The following ANKRD30A variants were observed in gnomAD, a reference collection of about 807,000 sequenced individuals.
ANKRD30A encodes ankyrin repeat domain-containing protein 30A.
Under a neutral mutation model 166.3 loss-of-function variants are expected in ANKRD30A, and 170 were observed. The observed-to-expected ratio is 1.02, with a 90% CI of 0.90 to 1.16. The LOEUF is 1.16. Ranked by LOEUF, ANKRD30A falls within the 50% of genes most tolerant of loss-of-function variation. The probability of loss-of-function intolerance (pLI) is 0.00; values close to 1 mark genes in which losing one functional copy is unlikely to be tolerated. For missense variants in ANKRD30A, 1,630 were observed against 1,518.0 expected (o/e 1.07, Z -1.23); for synonymous variants, 564 against 508.9 (o/e 1.11, Z -1.46).
chr10:37,142,473 A>G (rs1837212751), intron 7 of ANKRD30A, among the ~76,000 whole-genome samples, 183 bp downstream of exon 7: 2 of 151,324 alleles, frequency 1.3e-5, no homozygotes, highest in African/African-American at 4.9e-5. Context: ...AATTCTCACA[A>G]TTCTTCTGGC....
At chr10:37,182,989 C>A (rs1180963800) in intron 24 of ANKRD30A, among the ~76,000 whole-genome samples, 4 of 151,026 alleles carry the variant, frequency 2.6e-5, no homozygotes, top group African/African-American at 7.2e-5. Flanking sequence ...GGACCCAATA[C>A]AATTAGCTCT....
At chr10:37,251,984 C>T in the ANKRD30A span, among the ~76,000 whole-genome samples, 1 of 152,152 alleles carries the variant, frequency 6.6e-6, no homozygotes, top group Non-Finnish European at 1.5e-5. Flanking sequence ...ACTAGCATGT[C>T]ACCTTTACAG....
intron 31 of ANKRD30A, among the ~76,000 whole-genome samples, chr10:37,201,589 G>T (rs1321730707): frequency 6.6e-6 from 1 of 151,950 alleles, no homozygotes; most frequent in African/African-American, 2.4e-5. Context: ...AAAGAAGAAA[G>T]TAGTAAAAGA....
At chr10:37,130,869 T>TAC (rs1003439485) in intron 3 of ANKRD30A, among the ~76,000 whole-genome samples, 4 of 152,230 alleles carry the variant, frequency 2.6e-5, no homozygotes, top group African/African-American at 9.6e-5. Flanking sequence ...TTACAACACT[T>TAC]ACTCAGCTTA....
chr10:37,133,735 C>T (rs1014093153), intron 4 of ANKRD30A, among the ~76,000 whole-genome samples, 181 bp from the exon 5 acceptor site: 12 of 152,172 alleles, frequency 7.9e-5, no homozygotes, highest in African/African-American at 2.7e-4. Flanking sequence ...GCCATATCCC[C>T]GTGGGACATG....
rs1187076626 is a variant in ANKRD30A at position 37,219,765 on chromosome 10, A to G, written c.4053A>G (p.Thr1351=). 1 of 1,608,654 alleles carries G rather than the reference A, an allele frequency of 6.2e-7. No homozygotes were observed. The change falls in exon 34 of 36, where the codon ACA becomes ACG. Residue 1351 remains threonine, a synonymous_variant. Coordinates refer to ENST00000361713, the MANE Select transcript of ANKRD30A (RefSeq NM_052997.3). ...HKKADNKSKI[T]IDIHFLERKM... is the part of the protein sequence containing the mutation. ...AAGCTGACAACAAAAGCAAGATAAC[A>G]ATTGATATTCATTTTCTTGAGAGGA...
rs944174971 is a variant in ANKRD30A, at chr10:37,136,603, A to G, written c.756-4A>G. The G allele has an allele frequency of 1.6e-6, 2 of 1,282,148 alleles. No individual in the cohort carries two copies. The highest frequency in any genetic ancestry group is 2.2e-6 in the Non-Finnish European group (2 of 918,426). The allele number at this position is 1,282,148 out of a possible 1,614,324, so 79.4% of individuals were successfully genotyped here. A position where few individuals can be genotyped will look rare whatever the true frequency, so the allele number is the denominator to read the frequency against. On this transcript the variant is annotated splice_polypyrimidine_tract_variant and splice_region_variant and intron_variant, in intron 5 of 35. Coordinates refer to ENST00000361713, the MANE Select transcript of ANKRD30A (RefSeq NM_052997.3). ...AATTTTATTTATCACATTTTTATAC[A>G]TAGCATTCATGAACAAATTATGGAA...
chr10:37,252,588 C>G, the ANKRD30A span, among the ~76,000 whole-genome samples: 4 of 151,910 alleles, frequency 2.6e-5, no homozygotes, highest in African/African-American at 7.3e-5. Context: ...ATTTCTTAGT[C>G]TAATTTTTTT....
chr10:37,211,693 C>G (rs1020337342), intron 31 of ANKRD30A, among the ~76,000 whole-genome samples: 3 of 152,010 alleles, frequency 2.0e-5, no homozygotes, highest in Non-Finnish European at 4.4e-5. Context: ...GTTCTAGATC[C>G]CTGAGGAATC....
At position 37,193,238 on chromosome 10, in the gene ANKRD30A, A is replaced by G; in HGVS notation, c.2594A>G (p.Asp865Gly). 6.2e-7 allele frequency: 1 copy of G among 1,611,362 alleles called. No individual in the cohort carries two copies. The highest frequency in any genetic ancestry group is 1.1e-5 in the South Asian group (1 of 90,130). Residue 865 changes from aspartate to glycine, a missense_variant, in exon 27 of 36, where the codon GAC (aspartate) becomes GGC (glycine). Asp to Gly is a moderately conservative substitution (Grantham distance 94). This residue lies in a region of ANKRD30A where 712 missense variants were observed against 629.3 expected (regional missense o/e 1.13). Coordinates refer to ENST00000361713, the MANE Select transcript of ANKRD30A (RefSeq NM_052997.3). ...SIPTKALELM[D>G]MQTFKAEPPE... ...CCAACTAAAGCCTTAGAATTGATGGACATGCAAACTTTCAAAGCAGGTAAA... is the reference window on the plus strand; with the variant it reads ...CCAACTAAAGCCTTAGAATTGATGGGCATGCAAACTTTCAAAGCAGGTAAA...
the ANKRD30A span, among the ~76,000 whole-genome samples, chr10:37,238,327 AT>A: frequency 6.6e-6 from 1 of 152,062 alleles, no homozygotes; most frequent in Non-Finnish European, 1.5e-5. Flanking sequence ...CCATTTATTT[AT>A]TTTTTTAAAT....
At chr10:37,258,962 C>CAA in the ANKRD30A span, among the ~76,000 whole-genome samples, 1,009 of 43,106 alleles carry the variant, frequency 0.023, 16 homozygotes, top group Middle Eastern at 0.03. Context: ...GACTCCATCT[C>CAA]AAAAAAAAAA....
In ANKRD30A at chr10:37,125,939, T is replaced by A. The variant is rs747941155; in HGVS notation, c.152T>A (p.Val51Asp). 6.2e-7 allele frequency: 1 copy of A among 1,611,698 alleles called. No individual in the cohort carries two copies. The stretch of plus-strand genomic sequence containing the variant: ...CATAAAGCTGCCTCCCGGGGACAAG[T>A]CCGGAAGCTGGAGAAGATGACAAAG... ...KIHKAASRGQVRKLEKMTKRK... is the reference protein window; with the variant it reads ...KIHKAASRGQDRKLEKMTKRK... The change falls in exon 1 of 36, where the codon GTC becomes GAC. Residue 51 changes from valine to aspartate, a missense_variant. Val to Asp is a radical substitution (Grantham distance 152, BLOSUM62 -3). Transcript: ENST00000361713.
chr10:37,164,131 AGGTATACAGTT>A (rs1013962957), intron 17 of ANKRD30A, among the ~76,000 whole-genome samples: 1 of 147,276 alleles, frequency 6.8e-6, no homozygotes, highest in African/African-American at 2.5e-5. Context: ...TTTTGAAACC[AGGTATACAGTT>A]GATGGATGTC....
chr10:37,196,966 T>A (rs1159766706), intron 27 of ANKRD30A, among the ~76,000 whole-genome samples: 19 of 152,192 alleles, frequency 1.2e-4, no homozygotes, highest in Non-Finnish European at 2.5e-4. Context: ...CTAATGTGTT[T>A]CATTAAGTAC....
chr10:37,200,131 A>G (rs1335276094), intron 30 of ANKRD30A, among the ~76,000 whole-genome samples: 2 of 152,092 alleles, frequency 1.3e-5, no homozygotes, highest in Non-Finnish European at 2.9e-5. Context: ...ATTCTGTCTT[A>G]TATCTAGATG....
chr10:37,205,391 T>C lies in ANKRD30A; in HGVS notation c.2869+4066T>C, dbSNP rs1841926504. On this transcript the variant is annotated intron_variant, in intron 31 of 35. Transcript: ENST00000361713. ...ACATGTTCTCACCCATAGGTGGGAATTGAACAATGAGAACACTTGGACACA... is the reference window on the plus strand; with the variant it reads ...ACATGTTCTCACCCATAGGTGGGAACTGAACAATGAGAACACTTGGACACA... Among the ~76,000 whole-genome samples the C allele has an allele frequency of 2.0e-5, 3 of 146,922 alleles. No individual in the cohort carries two copies. The South Asian group carries it at 6.4e-4, about 31-fold the overall frequency.
At chr10:37,126,144 C>T in intron 1 of ANKRD30A, 136 bp downstream of exon 1, 2 of 920,634 alleles carry the variant, frequency 2.2e-6, no homozygotes, top group Non-Finnish European at 3.3e-6. Flanking sequence ...GGGCAGCCAT[C>T]CTGGGCCCTC....
chr10:37,226,549 A>G (rs1257331036), intron 34 of ANKRD30A, among the ~76,000 whole-genome samples: 1 of 151,686 alleles, frequency 6.6e-6, no homozygotes, highest in African/African-American at 2.4e-5. Context: ...TGCTGAGTAT[A>G]TTTCATTGTC....
Sources: allele counts gnomAD v4.1 joint callset (sites outside exome capture counted in the v4.1 genomes callset), GRCh38; gene constraint gnomAD v4.1.1; regional missense constraint gnomAD v4.1.1; transcripts MANE v1.5; gene names NCBI Gene and HGNC (gene_info 2026-07-23, HGNC 2026-07-21).